The following MBOAT1 variants were observed in gnomAD, a reference collection of about 807,000 sequenced individuals.
MBOAT1 encodes the protein membrane bound glycerophospholipid O-acyltransferase 1.
MBOAT1 carries 67 observed loss-of-function variants against 64.4 expected under a neutral mutation model. The observed-to-expected ratio is 1.04, with a 90% CI of 0.85 to 1.27. The LOEUF is 1.27. Ranked by LOEUF, MBOAT1 falls within the 50% of genes most tolerant of loss-of-function variation. MBOAT1 has a pLI of 0.00. For missense variants in MBOAT1, 563 were observed against 604.6 expected (o/e 0.93, Z 0.72); for synonymous variants, 229 against 218.9 (o/e 1.05, Z -0.41).
At chr6:20,137,554 G>A (rs992797233) in intron 4 of MBOAT1, among the ~76,000 whole-genome samples, 14 of 152,116 alleles carry the variant, frequency 9.2e-5, no homozygotes, top group African/African-American at 3.4e-4. Context: ...CGCATGTATT[G>A]ATATGAATTG....
intron 1 of MBOAT1, among the ~76,000 whole-genome samples, chr6:20,207,822 C>G (rs1213318722): frequency 1.3e-5 from 2 of 152,224 alleles, no homozygotes; most frequent in South Asian, 2.1e-4. Flanking sequence ...CTCTGTTCCA[C>G]GACGGCACCA....
intron 1 of MBOAT1, among the ~76,000 whole-genome samples, chr6:20,177,435 C>G (rs1032171027): frequency 6.6e-6 from 1 of 152,144 alleles, no homozygotes; most frequent in Admixed American, 6.6e-5. Flanking sequence ...CTAAAGAGAT[C>G]CTCCTGCCTC....
At chr6:20,191,113 T>C (rs1394209462) in intron 1 of MBOAT1, among the ~76,000 whole-genome samples, 1 of 152,196 alleles carries the variant, frequency 6.6e-6, no homozygotes, top group Non-Finnish European at 1.5e-5. Flanking sequence ...AATGCACCAG[T>C]GTATGAGGGC....
At chr6:20,178,887 T>C (rs1018603052) in intron 1 of MBOAT1, among the ~76,000 whole-genome samples, 2 of 151,990 alleles carry the variant, frequency 1.3e-5, no homozygotes, top group African/African-American at 4.8e-5. Context: ...GTATTAATGA[T>C]CCATAAAATT....
At chr6:20,122,142 G>C (rs923782523) in intron 8 of MBOAT1, among the ~76,000 whole-genome samples, 7 of 152,120 alleles carry the variant, frequency 4.6e-5, no homozygotes, top group African/African-American at 9.7e-5. Flanking sequence ...TCCAGCCTGG[G>C]TGACAAGAGC....
At chr6:20,204,223 G>A (rs977274587) in intron 1 of MBOAT1, among the ~76,000 whole-genome samples, 2 of 152,134 alleles carry the variant, frequency 1.3e-5, no homozygotes, top group Non-Finnish European at 2.9e-5. Flanking sequence ...CCCTAGCACT[G>A]TCTCAGGAGA....
In MBOAT1 at chr6:20,118,546, GT is replaced by G; in HGVS notation, c.908-7del. On this transcript the variant is annotated splice_polypyrimidine_tract_variant and splice_region_variant and intron_variant, in intron 8 of 12. Transcript: ENST00000324607. ...TGCGTTATTCACTGCATCAGCTATGGTTTTTAAAGTAACACATTAGGATATG... is the reference window on the plus strand; with the variant it reads ...TGCGTTATTCACTGCATCAGCTATGGTTTTAAAGTAACACATTAGGATATG... The G allele has an allele frequency of 6.2e-7, 1 of 1,609,140 alleles. No homozygotes were observed. Among genetic ancestry groups the G allele is most frequent in the Non-Finnish European group, 8.5e-7 (1 of 1,176,412 alleles).
At chr6:20,155,333 G>C (rs945742499) in intron 1 of MBOAT1, among the ~76,000 whole-genome samples, 3 of 152,200 alleles carry the variant, frequency 2.0e-5, no homozygotes, top group Non-Finnish European at 4.4e-5. Context: ...GAGAACCACA[G>C]GGATAGAAGA....
At chr6:20,163,846 G>A (rs1761934100) in intron 1 of MBOAT1, among the ~76,000 whole-genome samples, 1 of 152,012 alleles carries the variant, frequency 6.6e-6, no homozygotes, top group Admixed American at 6.6e-5. Context: ...CTAAAAATAA[G>A]AGCCTGAGTA....
chr6:20,179,613 C>A (rs1762454090), intron 1 of MBOAT1, among the ~76,000 whole-genome samples: 1 of 152,136 alleles, frequency 6.6e-6, no homozygotes, highest in Non-Finnish European at 1.5e-5. Context: ...GTGAATAGTG[C>A]TGCAATGAAC....
chr6:20,158,530 A>T (rs1761760917), intron 1 of MBOAT1, among the ~76,000 whole-genome samples: 2 of 152,200 alleles, frequency 1.3e-5, no homozygotes, highest in Admixed American at 1.3e-4. Context: ...GATCTCTTGG[A>T]TTTAACCCCA....
intron 4 of MBOAT1, among the ~76,000 whole-genome samples, chr6:20,135,888 C>T (rs967944833): frequency 2.0e-5 from 3 of 152,150 alleles, no homozygotes; most frequent in African/African-American, 2.4e-5. Context: ...CAACCTAGAC[C>T]GCTACTGCCA....
At chr6:20,198,114 G>GC (rs1168620121) in intron 1 of MBOAT1, among the ~76,000 whole-genome samples, 2 of 151,742 alleles carry the variant, frequency 1.3e-5, no homozygotes, top group East Asian at 3.9e-4. Flanking sequence ...TGTAATCCCA[G>GC]CTACTTGGGA....
intron 12 of MBOAT1, among the ~76,000 whole-genome samples, chr6:20,104,173 G>A (rs559437571): frequency 1.3e-5 from 2 of 152,254 alleles, no homozygotes; most frequent in Non-Finnish European, 2.9e-5. Context: ...ATAGTAGCCT[G>A]ACTATACTAT....
chr6:20,144,421 A>G lies in MBOAT1; in HGVS notation c.324-106T>C, dbSNP rs1280571011. On this transcript the variant is annotated intron_variant, in intron 3 of 12. Coordinates refer to ENST00000324607, the MANE Select transcript of MBOAT1 (RefSeq NM_001080480.3). ...CATCCTTCACGTGCAGTTGGTCACA[A>G]TGTCCTATCTGGTCTGACGACATCC... 20 of 764,592 alleles carry G rather than the reference A, an allele frequency of 2.6e-5. No homozygotes were observed. In the Admixed American group the frequency reaches 3.6e-4, roughly 14 times the overall value. 47.4% of individuals were successfully genotyped at this position (764,592 alleles called of 1,614,324 possible). A position where few individuals can be genotyped will look rare whatever the true frequency, so the allele number is the denominator to read the frequency against.
At chr6:20,181,406 C>G (rs571270515) in intron 1 of MBOAT1, among the ~76,000 whole-genome samples, 1 of 152,204 alleles carries the variant, frequency 6.6e-6, no homozygotes, top group Admixed American at 6.5e-5. Flanking sequence ...CTGCCTTCTT[C>G]TTCCCCTCCC....
rs201531329 is a variant in MBOAT1 at position 20,144,232 on chromosome 6, G to A, written c.407C>T (p.Thr136Met). Reference protein sequence around the residue: ...IYIFHYGILTTDFSGPLMIVT... With the variant: ...IYIFHYGILTMDFSGPLMIVT... ...GTAAGATACTTACCCAGAAAAATCCGTAGTGAGAATTCCATAGTGGAAGAT... is the reference window on the plus strand; with the variant it reads ...GTAAGATACTTACCCAGAAAAATCCATAGTGAGAATTCCATAGTGGAAGAT... The change falls in exon 4 of 13, where the codon ACG becomes ATG. Residue 136 changes from threonine (T) to methionine (M), a missense_variant. By Grantham distance (81) the Thr-to-Met change is moderately conservative. Transcript: ENST00000324607. 1.9e-5 allele frequency: 30 copies of A among 1,608,592 alleles called. No individual in the cohort carries two copies. The African/African-American group carries it at 2.1e-4, about 11-fold the overall frequency.
chr6:20,126,649 A>G lies in MBOAT1; in HGVS notation c.582T>C (p.Ser194=). ...EYLSYLLNFM[S]VIAGPCNNFK... ...AATTGTTACAAGGACCAGCTATGAC[A>G]CTCATGAAATTGAGAAGGTAACTTA... The change falls in exon 7 of 13, where the codon AGT becomes AGC. Residue 194 remains serine, a synonymous_variant. Coordinates refer to ENST00000324607, the MANE Select transcript of MBOAT1 (RefSeq NM_001080480.3). The G allele has an allele frequency of 6.2e-7, 1 of 1,613,512 alleles. No individual in the cohort carries two copies.
At chr6:20,114,883 C>CA (rs34238970) in intron 10 of MBOAT1, among the ~76,000 whole-genome samples, 4,835 of 116,026 alleles carry the variant, frequency 0.042, 230 homozygotes, top group African/African-American at 0.12. Flanking sequence ...AACTCCTTCT[C>CA]AAAAAAAAAA....
Sources: allele counts gnomAD v4.1 joint callset (sites outside exome capture counted in the v4.1 genomes callset), GRCh38; gene constraint gnomAD v4.1.1; transcripts MANE v1.5; gene names NCBI Gene and HGNC (gene_info 2026-07-23, HGNC 2026-07-21).